Variants in SPART observed in about 807,000 individuals in gnomAD.
SPART encodes spastic paraplegia 20 (Troyer syndrome).
Under a neutral mutation model 58.7 loss-of-function variants are expected in SPART, and 35 were observed. The observed-to-expected ratio is 0.60, with a 90% CI of 0.46 to 0.79. SPART has a LOEUF of 0.79. Among genes scored for constraint, SPART ranks in the 30% least tolerant of loss-of-function variants. The pLI, the probability that SPART is intolerant of heterozygous loss-of-function variation, is 0.00. For synonymous variants in SPART, 284 were observed against 280.7 expected, an observed-to-expected ratio of 1.01 and a Z score of -0.12; for missense variants, 730 against 786.1, an observed-to-expected ratio of 0.93 and a Z score of 0.85.
At position 36,369,767 on chromosome 13, in the gene SPART, A is replaced by G. The variant is rs537108409; in HGVS notation, c.-3+322T>C. Among the ~76,000 whole-genome samples the G allele has an allele frequency of 7.9e-5, 12 of 152,306 alleles. No homozygotes were observed. The South Asian group carries it at 2.5e-3, about 32-fold the overall frequency. ...CATTGCCCTCTCACATTCACTCAGT[A>G]ATTCACCAAATATTTATAGAGACTT... is the stretch of plus-strand genomic sequence containing the variant. On this transcript the variant is annotated intron_variant, in intron 1 of 8. Coordinates refer to the SPART transcript ENST00000355182.
intron 2 of SPART, among the ~76,000 whole-genome samples, chr13:36,333,437 T>A (rs1003882354): frequency 4.6e-5 from 7 of 151,478 alleles, no homozygotes; most frequent in Non-Finnish European, 8.8e-5. Flanking sequence ...GTATTTTTTT[T>A]TTTTTTTTGG....
chr13:36,321,101 C>T (rs887012883), intron 5 of SPART, among the ~76,000 whole-genome samples: 2 of 152,208 alleles, frequency 1.3e-5, no homozygotes, highest in Non-Finnish European at 2.9e-5. Flanking sequence ...AGCTCCCGTA[C>T]AGACGCTCCT....
chr13:36,335,487 G>A lies in SPART; in HGVS notation c.344C>T (p.Pro115Leu). 6.2e-7 allele frequency: 1 copy of A among 1,614,028 alleles called. No homozygotes were observed. Among genetic ancestry groups the A allele is most frequent in the Non-Finnish European group, 8.5e-7 (1 of 1,179,984 alleles). Residue 115 changes from proline (P) to leucine (L), a missense_variant, in exon 2 of 9, where the codon CCA becomes CTA. Physicochemically the swap from Pro to Leu is moderately conservative, Grantham distance 98. Coordinates refer to ENST00000438666, the MANE Select transcript of SPART (RefSeq NM_015087.5). ...ACACATGTCTTTAGGTGGAAATTCT[G>A]GATATAACTTGGGCACCTCCTGAAG... ...NDLQEVPKLY[P>L]EFPPKDMCEK...
intron 1 of SPART, among the ~76,000 whole-genome samples, chr13:36,359,842 T>G (rs1166961636): frequency 6.7e-6 from 1 of 148,724 alleles, no homozygotes; most frequent in Non-Finnish European, 1.5e-5. Flanking sequence ...GTAATGATAG[T>G]AACTGCTTCA....
intron 5 of SPART, among the ~76,000 whole-genome samples, chr13:36,321,332 G>T (rs550041187): frequency 6.6e-6 from 1 of 152,154 alleles, no homozygotes; most frequent in Non-Finnish European, 1.5e-5. Flanking sequence ...CTTAACTCTT[G>T]AAGTAAATAA....
chr13:36,358,116 C>G (rs1264598242), intron 1 of SPART, among the ~76,000 whole-genome samples: 3 of 151,500 alleles, frequency 2.0e-5, no homozygotes, highest in Non-Finnish European at 4.4e-5. Context: ...AGTCACTATT[C>G]ATAGAAAAAA....
chr13:36,309,331 T>C (rs981248874), intron 8 of SPART, among the ~76,000 whole-genome samples: 1 of 151,714 alleles, frequency 6.6e-6, no homozygotes, highest in Non-Finnish European at 1.5e-5. Flanking sequence ...GAATGTAAAC[T>C]AGTTCAGCCA....
intron 5 of SPART, among the ~76,000 whole-genome samples, chr13:36,324,886 C>T (rs911352596): frequency 1.3e-5 from 2 of 152,004 alleles, no homozygotes; most frequent in Non-Finnish European, 2.9e-5. Flanking sequence ...GTGGGGGTCG[C>T]AAGGTGCTCA....
intron 5 of SPART, among the ~76,000 whole-genome samples, chr13:36,316,885 C>A (rs553216912): frequency 2.0e-5 from 3 of 152,302 alleles, no homozygotes; most frequent in Non-Finnish European, 4.4e-5. Context: ...GACCGACCAG[C>A]CCAAGAAACA....
At chr13:36,336,986 T>C (rs1884070466) in intron 1 of SPART, among the ~76,000 whole-genome samples, 1 of 152,126 alleles carries the variant, frequency 6.6e-6, no homozygotes, top group African/African-American at 2.4e-5. Context: ...ATCAAAATAG[T>C]GCTTATAGGT....
intron 5 of SPART, among the ~76,000 whole-genome samples, chr13:36,318,191 A>G (rs965805429): frequency 1.3e-5 from 2 of 151,970 alleles, no homozygotes; most frequent in African/African-American, 2.4e-5. Context: ...TAATCTTTTT[A>G]TCACCTCCCC....
At chr13:36,324,608 T>A (rs1882727156) in intron 5 of SPART, among the ~76,000 whole-genome samples, 1 of 152,284 alleles carries the variant, frequency 6.6e-6, no homozygotes, top group African/African-American at 2.4e-5. Flanking sequence ...AAATGTTTGT[T>A]GTTTTGTGCC....
upstream of SPART, among the ~76,000 whole-genome samples, chr13:36,347,702 T>G (rs762210490): frequency 6.6e-6 from 1 of 152,198 alleles, no homozygotes; most frequent in Non-Finnish European, 1.5e-5. Context: ...ACTATGACTG[T>G]ATTCTCACTT....
intron 1 of SPART, among the ~76,000 whole-genome samples, chr13:36,358,577 A>T (rs888216849): frequency 3.9e-5 from 6 of 152,206 alleles, no homozygotes; most frequent in African/African-American, 1.2e-4. Flanking sequence ...GTTTCTTTTA[A>T]AAGAGTCAGT....
rs78129833 is a variant in SPART, at chr13:36,302,242, A to T, written c.*2123T>A. 1 of 151,734 alleles carries T rather than the reference A, an allele frequency of 6.6e-6. No individual in the cohort carries two copies. 9.4% of individuals were successfully genotyped at this position (151,734 alleles called of 1,614,324 possible). A position where few individuals can be genotyped will look rare whatever the true frequency, so the allele number is the denominator to read the frequency against. On this transcript the variant is annotated 3_prime_UTR_variant, in exon 9 of 9. Coordinates refer to ENST00000438666, the MANE Select transcript of SPART (RefSeq NM_015087.5). ...ACAAGTAATATATAATTTTATCTAT[A>T]TATCAATCATTACACAATATAAAAA...
Position 36,304,392 on chromosome 13 carries a change from T to C in SPART, c.1974A>G (p.Val658=), listed in dbSNP as rs1566103573. 6.2e-7 allele frequency: 1 copy of C among 1,614,162 alleles called. No homozygotes were observed. The highest frequency in any genetic ancestry group is 2.2e-5 in the East Asian group (1 of 44,882). The change falls in exon 9 of 9, where the codon GTA becomes GTG. Residue 658 remains valine, a synonymous_variant. Coordinates refer to ENST00000438666, the MANE Select transcript of SPART (RefSeq NM_015087.5). The part of the protein sequence containing the change: ...RGEKDEQTKE[V]KEAKKKDK ...ATTTATCTTTCTTCTTTGCCTCCTT[T>C]ACTTCCTTCGTCTGCTCATCCTTCT... is the stretch of plus-strand genomic sequence containing the variant.
intron 1 of SPART, chr13:36,365,465 G>A (rs192275381): frequency 8.3e-6 from 3 of 360,208 alleles, no homozygotes; most frequent in Admixed American, 8.0e-5. Context: ...TCTCCAAAAT[G>A]TTTTTCATTT....
Position 36,331,543 on chromosome 13 carries a change from A to G in SPART, c.864T>C (p.Cys288=), listed in dbSNP as rs747099002. 1 of 1,614,156 alleles carries G rather than the reference A, an allele frequency of 6.2e-7. No homozygotes were observed. The highest frequency in any genetic ancestry group is 8.5e-7 in the Non-Finnish European group (1 of 1,180,012). ...LVPDRSPVLK[C]TAGAYMFPDT... ...CAGGAAACATGTAGGCTCCCGCAGT[A>G]CATTTCAGAACCGGAGATCTATCAG... The change falls in exon 3 of 9, where the codon TGT becomes TGC. Residue 288 remains cysteine (C), a synonymous_variant. Coordinates refer to ENST00000438666, the MANE Select transcript of SPART (RefSeq NM_015087.5).
chr13:36,360,695 T>A, intron 1 of SPART: 1 of 152,824 alleles, frequency 6.5e-6, no homozygotes, highest in East Asian at 1.9e-4. Flanking sequence ...TTGCCATATA[T>A]GCAAGTGAAT....
Sources: allele counts gnomAD v4.1 joint callset (sites outside exome capture counted in the v4.1 genomes callset), GRCh38; gene constraint gnomAD v4.1.1; transcripts MANE v1.5; gene names NCBI Gene and HGNC (gene_info 2026-07-23, HGNC 2026-07-21).